The following GRHL3 variants were observed in gnomAD, a reference collection of about 807,000 sequenced individuals.
The protein encoded by GRHL3 is grainyhead-like protein 3 homolog.
GRHL3 carries 20 observed loss-of-function variants against 70.3 expected under a neutral mutation model. That is an observed-to-expected ratio of 0.28 (90% CI 0.20 to 0.41). The LOEUF is 0.41. Ranked by LOEUF, GRHL3 falls within the 10% of genes least tolerant of loss-of-function variation. GRHL3 has a pLI of 1.00. For missense variants in GRHL3, 637 were observed against 762.3 expected (o/e 0.84, Z 1.94); for synonymous variants, 299 against 299.9 (o/e 1.00, Z 0.03).
intron 14 of GRHL3, 70 bp downstream of exon 14, chr1:24,347,623 G>A: frequency 4.1e-6 from 5 of 1,223,524 alleles, no homozygotes; most frequent in East Asian, 2.3e-5. Flanking sequence ...TCCTCACCAC[G>A]CAGTTCTGAT....
intron 14 of GRHL3, 64 bp downstream of exon 14, chr1:24,347,617 C>A: frequency 1.6e-6 from 2 of 1,261,272 alleles, no homozygotes; most frequent in South Asian, 1.2e-5. Flanking sequence ...CCCCACTCCT[C>A]ACCACGCAGT....
At position 24,334,125 on chromosome 1, in the gene GRHL3, G is replaced by A. The variant is rs1460668680; in HGVS notation, c.205-520G>A. Among the ~76,000 whole-genome samples the A allele has an allele frequency of 2.6e-5, 4 of 152,148 alleles. No homozygotes were observed. The highest frequency in any genetic ancestry group is 5.9e-5 in the Non-Finnish European group (4 of 68,022). ...TTCCCACTCCCTGACTTGGGGCTCA[G>A]ACTAATCATAGCTAGAGCTCCAGCC... On this transcript the variant is annotated intron_variant, in intron 2 of 15. Coordinates refer to ENST00000361548, the MANE Select transcript of GRHL3 (RefSeq NM_198173.3). The surrounding 1 kb of genome is among the most constrained non-coding windows in gnomAD (Gnocchi z 4.3).
chr1:24,355,371 T>C (rs919174088), downstream of GRHL3: 2 of 152,560 alleles, frequency 1.3e-5, no homozygotes, highest in African/African-American at 4.8e-5. Flanking sequence ...AAGAGATGGC[T>C]ACATTGGTCG....
At chr1:24,355,789 T>C (rs1351688516), downstream of GRHL3, among the ~76,000 whole-genome samples, 5 of 152,204 alleles carry the variant, frequency 3.3e-5, no homozygotes, top group African/African-American at 7.2e-5. Flanking sequence ...TGTTGGCACA[T>C]TGAAATCAGC....
At chr1:24,360,712 G>A in intron 15 of GRHL3, 1 of 754,298 alleles carries the variant, frequency 1.3e-6, no homozygotes, top group South Asian at 2.0e-5. Flanking sequence ...AATGTGAACT[G>A]ATAATGCTTC....
rs1569840196 is a variant in GRHL3, at chr1:24,319,631, G to A, written c.17+63G>A. ...CGTGGAGGCTGGATGGGGTTTCCTG[G>A]AGGGGGAAGAGCGGGGAGGCCGGCA... On this transcript the variant is annotated intron_variant, in intron 1 of 15. Coordinates refer to ENST00000361548, the MANE Select transcript of GRHL3 (RefSeq NM_198173.3). 6.2e-6 allele frequency: 10 copies of A among 1,612,744 alleles called. No individual in the cohort carries two copies. The East Asian group carries it at 2.2e-4, about 36-fold the overall frequency.
rs1362502111 is a variant in GRHL3 at position 24,322,599 on chromosome 1, G to C, written c.17+3031G>C. 6.6e-6 allele frequency among the ~76,000 whole-genome samples: 1 copy of C among 152,226 alleles called. No individual in the cohort carries two copies. Among genetic ancestry groups the C allele is most frequent in the African/African-American group, 2.4e-5 (1 of 41,460 alleles). ...CAACCCTAACGGCGGCGGCCCGGGC[G>C]GCGCGGGGGTCCTGCGGCTCCGCCA... On this transcript the variant is annotated intron_variant, in intron 1 of 15. Coordinates refer to ENST00000361548, the MANE Select transcript of GRHL3 (RefSeq NM_198173.3). This position sits in a 1 kb window ranked among gnomAD's most constrained non-coding sequence, Gnocchi z 4.4.
Position 24,342,016 on chromosome 1 carries a change from C to T in GRHL3, c.1048-99C>T, listed in dbSNP as rs1213280484. On this transcript the variant is annotated intron_variant, in intron 8 of 15. Coordinates refer to ENST00000361548, the MANE Select transcript of GRHL3 (RefSeq NM_198173.3). The surrounding 1 kb of genome is among the most constrained non-coding windows in gnomAD (Gnocchi z 4.8). ...GGGCCTAGTGAGGCTTAAGGGTGAG[C>T]AGCAGGCACACAGAAAGCTAGAAAT... 3 of 1,159,448 alleles carry T rather than the reference C, an allele frequency of 2.6e-6. No individual in the cohort carries two copies. The highest frequency in any genetic ancestry group is 2.4e-6 in the Non-Finnish European group (2 of 822,516). The allele number at this position is 1,159,448 out of a possible 1,614,324, so 71.8% of individuals were successfully genotyped here.
At chr1:24,336,981 A>G in intron 4 of GRHL3, 97 bp from the exon 5 acceptor site, 1 of 1,304,094 alleles carries the variant, frequency 7.7e-7, no homozygotes, top group Non-Finnish European at 1.1e-6. Context: ...CAAGTTGTAC[A>G]CTGTACAACC....
chr1:24,348,106 C>T (rs980508348), intron 14 of GRHL3, among the ~76,000 whole-genome samples: 3 of 152,182 alleles, frequency 2.0e-5, no homozygotes, highest in African/African-American at 7.2e-5. Flanking sequence ...CAGCGTCCAC[C>T]AGGGTCAGCT....
In GRHL3 at chr1:24,320,560, G is replaced by A. The variant is rs115615846; in HGVS notation, c.17+992G>A. 9.4e-3 allele frequency among the ~76,000 whole-genome samples: 1,428 copies of A among 152,246 alleles called. 26 individuals are homozygous for A. Among genetic ancestry groups the A allele is most frequent in the African/African-American group, 0.032 (1,325 of 41,524 alleles). On this transcript the variant is annotated intron_variant, in intron 1 of 15. Coordinates refer to ENST00000361548, the MANE Select transcript of GRHL3 (RefSeq NM_198173.3). ...TTTCCTGCCACCCTCAGAGGTGAGT[G>A]GGCAGAGGCAAGGATTGTACCATCT...
intron 15 of GRHL3, chr1:24,361,172 G>A: frequency 2.6e-6 from 2 of 773,196 alleles, no homozygotes; most frequent in Non-Finnish European, 3.9e-6. Flanking sequence ...CTGGGGCAGA[G>A]CCCTAGCTCC....
At chr1:24,325,039 A>G (rs1390797570) in intron 1 of GRHL3, among the ~76,000 whole-genome samples, 1 of 151,584 alleles carries the variant, frequency 6.6e-6, no homozygotes, top group Non-Finnish European at 1.5e-5. Flanking sequence ...CTGACTGGAA[A>G]ATGATTCCTC....
chr1:24,326,363 A>ACCCCTCTTCTCCTCCC (rs1639388112), intron 1 of GRHL3, among the ~76,000 whole-genome samples: 5 of 109,764 alleles, frequency 4.6e-5, no homozygotes, highest in Non-Finnish European at 7.6e-5. Flanking sequence ...CTTCTCCTCC[A>ACCCCTCTTCTCCTCCC]CCCCTCTTCT....
intron 1 of GRHL3, among the ~76,000 whole-genome samples, chr1:24,320,661 G>T (rs1639146802): frequency 6.6e-6 from 1 of 152,200 alleles, no homozygotes; most frequent in Admixed American, 6.5e-5. Context: ...GGTCCTGACT[G>T]CAGACCGGAT....
At chr1:24,339,825 A>G (rs1639970662) in intron 8 of GRHL3, 63 bp downstream of exon 8, 5 of 1,093,452 alleles carry the variant, frequency 4.6e-6, no homozygotes, top group Non-Finnish European at 6.8e-6. Context: ...ATTCTGGGGT[A>G]GAGGCTTTCT....
downstream of GRHL3, chr1:24,358,615 C>T (rs775562958): frequency 1.4e-5 from 23 of 1,613,034 alleles, no homozygotes; most frequent in Admixed American, 1.0e-4. Context: ...CTGGCTTGTA[C>T]GTAGCTGTGA....
At chr1:24,328,327 C>A (rs945798175) in intron 1 of GRHL3, among the ~76,000 whole-genome samples, 1 of 152,136 alleles carries the variant, frequency 6.6e-6, no homozygotes, top group African/African-American at 2.4e-5. Flanking sequence ...ATGATAATTC[C>A]TATCTCTCAG....
intron 1 of GRHL3, among the ~76,000 whole-genome samples, chr1:24,326,401 A>ATTCCCCTCCACCCCTC (rs1557690860): frequency 1.3e-4 from 6 of 44,956 alleles, no homozygotes; most frequent in African/African-American, 3.9e-4. Context: ...CTCCACCCCT[A>ATTCCCCTCCACCCCTC]TTCCCCTCCA....
Sources: allele counts gnomAD v4.1 joint callset (sites outside exome capture counted in the v4.1 genomes callset), GRCh38; gene constraint gnomAD v4.1.1; non-coding constraint Gnocchi (gnomAD v3.1); transcripts MANE v1.5; gene names NCBI Gene and HGNC (gene_info 2026-07-23, HGNC 2026-07-21).